Variants in SLC24A4 observed in about 807,000 individuals in gnomAD.
SLC24A4 encodes the protein sodium/potassium/calcium exchanger 4.
SLC24A4 carries 53 observed loss-of-function variants against 79.0 expected under a neutral mutation model. The ratio of observed to expected loss-of-function variants is 0.67; its 90% CI spans 0.54 to 0.84. The LOEUF is 0.84. Among genes scored for constraint, SLC24A4 ranks in the 40% least tolerant of loss-of-function variants. SLC24A4 has a pLI of 0.00. For missense variants in SLC24A4, 731 were observed against 822.0 expected, an observed-to-expected ratio of 0.89 and a Z score of 1.35; for synonymous variants, 323 against 323.8, an observed-to-expected ratio of 1.00 and a Z score of 0.03.
rs1895980375 is a variant in SLC24A4, at chr14:92,497,741, T to C, written c.*4113T>C. On this transcript the variant is annotated 3_prime_UTR_variant, in exon 17 of 17. Transcript: ENST00000532405. ...GACCTTTCTGCCCTGGGTGAATGGGTCCTTGGGGGAGGGGTTGGTCTTTTG... is the reference window on the plus strand; with the variant it reads ...GACCTTTCTGCCCTGGGTGAATGGGCCCTTGGGGGAGGGGTTGGTCTTTTG... 1 of 152,350 alleles carries C rather than the reference T, an allele frequency of 6.6e-6. No homozygotes were observed. Among genetic ancestry groups the C allele is most frequent in the African/African-American group, 2.4e-5 (1 of 41,446 alleles). 9.4% of individuals were successfully genotyped at this position (152,350 alleles called of 1,614,324 possible). A position where few individuals can be genotyped will look rare whatever the true frequency, so the allele number is the denominator to read the frequency against.
chr14:92,396,983 G>T (rs543724020), intron 2 of SLC24A4, among the ~76,000 whole-genome samples: 1 of 152,194 alleles, frequency 6.6e-6, no homozygotes, highest in African/African-American at 2.4e-5. Context: ...TGCCTTCAAA[G>T]CACTGACAGC....
intron 3 of SLC24A4, among the ~76,000 whole-genome samples, chr14:92,438,875 G>T (rs1047916951): frequency 1.3e-5 from 2 of 152,174 alleles, no homozygotes; most frequent in Non-Finnish European, 2.9e-5. Flanking sequence ...GGGGGCTGGG[G>T]CTTAAAGTCC....
Position 92,433,997 on chromosome 14 carries a change from T to C in SLC24A4, c.318+9T>C. 1 of 1,613,018 alleles carries C rather than the reference T, an allele frequency of 6.2e-7. No individual in the cohort carries two copies. The highest frequency in any genetic ancestry group is 8.5e-7 in the Non-Finnish European group (1 of 1,179,056). Reference sequence around the variant, plus strand: ...TGCTGCACATCCTTGGTGTAAGTCGTCCTCCCAGAGTGGTCACAAAACTTC... The same window carrying C: ...TGCTGCACATCCTTGGTGTAAGTCGCCCTCCCAGAGTGGTCACAAAACTTC... On this transcript the variant is annotated intron_variant, in intron 3 of 16. Transcript: ENST00000532405.
At chr14:92,474,841 G>GTA (rs1482219582) in intron 12 of SLC24A4, among the ~76,000 whole-genome samples, 2,352 of 33,796 alleles carry the variant, frequency 0.07, 183 homozygotes, top group African/African-American at 0.18. Flanking sequence ...GTGTGTGTGT[G>GTA]TGTATATATA....
rs370314019 is a variant in SLC24A4 at position 92,437,248 on chromosome 14, A to G, written c.319-2087A>G. On this transcript the variant is annotated intron_variant, in intron 3 of 16. Transcript: ENST00000532405. ...CTCTATTCTACCTGTTGTTCCTCAA[A>G]GGCATCAAACACACTCCTACCTCAG... Among the ~76,000 whole-genome samples the G allele has an allele frequency of 2.6e-5, 4 of 152,184 alleles. No homozygotes were observed. In the East Asian group the frequency reaches 5.8e-4, roughly 22 times the overall value.
chr14:92,438,478 G>A (rs1892302824), intron 3 of SLC24A4, among the ~76,000 whole-genome samples: 1 of 152,104 alleles, frequency 6.6e-6, no homozygotes, highest in South Asian at 2.1e-4. Flanking sequence ...GAATTAGCTG[G>A]GTGTGGTGGT....
chr14:92,342,739 C>T (rs1027374839), intron 2 of SLC24A4, among the ~76,000 whole-genome samples: 1 of 152,194 alleles, frequency 6.6e-6, no homozygotes, highest in Admixed American at 6.5e-5. Flanking sequence ...TGATCACATC[C>T]CCCATTTGAA....
chr14:92,405,805 G>C (rs1249902674), intron 2 of SLC24A4, among the ~76,000 whole-genome samples: 1 of 152,102 alleles, frequency 6.6e-6, no homozygotes, highest in Non-Finnish European at 1.5e-5. Context: ...TTTGACATGA[G>C]ATTTGGGCAT....
At chr14:92,340,395 G>C (rs560105958) in intron 2 of SLC24A4, among the ~76,000 whole-genome samples, 1 of 152,382 alleles carries the variant, frequency 6.6e-6, no homozygotes, top group Non-Finnish European at 1.5e-5. Context: ...GCTGTGCTTT[G>C]ACGCAAGAGG....
At chr14:92,357,083 C>T (rs891332488) in intron 2 of SLC24A4, among the ~76,000 whole-genome samples, 1 of 152,196 alleles carries the variant, frequency 6.6e-6, no homozygotes, top group African/African-American at 2.4e-5. Context: ...TTATTCCCCC[C>T]AGGATTGGAA....
chr14:92,395,432 AACACACACACACACACAC>A (rs60360408), intron 2 of SLC24A4, among the ~76,000 whole-genome samples: 29 of 144,816 alleles, frequency 2.0e-4, no homozygotes, highest in Admixed American at 1.7e-3. Context: ...AACAAAACAA[AACACACACACACACACAC>A]ACACACACAC....
rs192414436 is a variant in SLC24A4 at position 92,441,708 on chromosome 14, G to C, written c.394-381G>C. 2.2e-3 allele frequency among the ~76,000 whole-genome samples: 334 copies of C among 152,350 alleles called. 2 individuals are homozygous for C. The highest frequency in any genetic ancestry group is 7.8e-3 in the African/African-American group (324 of 41,584). On this transcript the variant is annotated intron_variant, in intron 4 of 16. Transcript: ENST00000532405. This position sits in a 1 kb window ranked among gnomAD's most constrained non-coding sequence, Gnocchi z 4.6. The stretch of plus-strand genomic sequence containing the variant: ...ATCCGGTGAGGGAAGGCAAGCGTGT[G>C]GACCACAAACCCTCATGTGAAATTC...
chr14:92,352,989 T>G (rs1886976970), intron 2 of SLC24A4, among the ~76,000 whole-genome samples: 1 of 152,222 alleles, frequency 6.6e-6, no homozygotes, highest in Non-Finnish European at 1.5e-5. Context: ...ACGGGGCATT[T>G]AAAAACTTAA....
chr14:92,350,300 C>T (rs1886796815), intron 2 of SLC24A4, among the ~76,000 whole-genome samples: 1 of 152,170 alleles, frequency 6.6e-6, no homozygotes, highest in African/African-American at 2.4e-5. Flanking sequence ...AAATCCTATA[C>T]AGATGTACAA....
At chr14:92,466,611 GA>G (rs1247464294) in intron 12 of SLC24A4, among the ~76,000 whole-genome samples, 1 of 152,194 alleles carries the variant, frequency 6.6e-6, no homozygotes, top group Non-Finnish European at 1.5e-5. Flanking sequence ...AAGAGACTGG[GA>G]AAACTTCAGT....
chr14:92,365,626 A>C (rs1474635136), intron 2 of SLC24A4, among the ~76,000 whole-genome samples: 1 of 152,222 alleles, frequency 6.6e-6, no homozygotes, highest in Non-Finnish European at 1.5e-5. Context: ...GGTGACAACC[A>C]GCCAGGCTTT....
chr14:92,325,894 C>A lies in SLC24A4; in HGVS notation c.157C>A (p.Arg53Ser). The change falls in exon 2 of 17, where the codon CGT (arginine) becomes AGT (serine). Residue 53 changes from arginine to serine, a missense_variant. Coordinates refer to ENST00000532405, the MANE Select transcript of SLC24A4 (RefSeq NM_153646.4). ...LGHKTASASKRVLPDTWRNRK... is the reference protein window; with the variant it reads ...LGHKTASASKSVLPDTWRNRK... ...GCACAAAACAGCTTCTGCTAGCAAA[C>A]GTGTCCTGCCAGACACGTGGAGAAA... The A allele has an allele frequency of 6.2e-7, 1 of 1,611,208 alleles. No homozygotes were observed. Among genetic ancestry groups the A allele is most frequent in the Non-Finnish European group, 8.5e-7 (1 of 1,178,594 alleles).
rs1487848965 is a variant in SLC24A4, at chr14:92,325,912, T to C, written c.175T>C (p.Trp59Arg). ...SASKRVLPDT[W>R]RNRKLMAPVN... ...TAGCAAACGTGTCCTGCCAGACACG[T>C]GGAGAAATAGAAAGTTGATGGCCCC... is the stretch of plus-strand genomic sequence containing the variant. Residue 59 changes from tryptophan (W) to arginine (R), a missense_variant, in exon 2 of 17, where the codon TGG (tryptophan) becomes CGG (arginine). Physicochemically the swap from Trp to Arg is moderately radical, Grantham distance 101. Transcript: ENST00000532405. The C allele has an allele frequency of 6.2e-7, 1 of 1,612,760 alleles. No homozygotes were observed. The highest frequency in any genetic ancestry group is 8.5e-7 in the Non-Finnish European group (1 of 1,179,426).
At chr14:92,400,534 A>G (rs992362780) in intron 2 of SLC24A4, among the ~76,000 whole-genome samples, 1 of 151,966 alleles carries the variant, frequency 6.6e-6, no homozygotes, top group Admixed American at 6.5e-5. Flanking sequence ...GGGATTGACT[A>G]AGAAGCTCTG....
Sources: allele counts gnomAD v4.1 joint callset (sites outside exome capture counted in the v4.1 genomes callset), GRCh38; gene constraint gnomAD v4.1.1; non-coding constraint Gnocchi (gnomAD v3.1); transcripts MANE v1.5; gene names NCBI Gene and HGNC (gene_info 2026-07-23, HGNC 2026-07-21).